The following MTA1 variants were observed in gnomAD, a reference collection of about 807,000 sequenced individuals.
MTA1 encodes metastasis-associated protein MTA1.
MTA1 carries 15 observed loss-of-function variants against 97.0 expected under a neutral mutation model. The ratio of observed to expected loss-of-function variants is 0.15; its 90% CI spans 0.10 to 0.24. MTA1 has a LOEUF of 0.24. Ranked by LOEUF, MTA1 falls within the 10% of genes least tolerant of loss-of-function variation. The pLI, the probability that MTA1 is intolerant of heterozygous loss-of-function variation, is 1.00. For synonymous variants in MTA1, 435 were observed against 417.5 expected, an observed-to-expected ratio of 1.04 and a Z score of -0.51; for missense variants, 709 against 1,015.1, an observed-to-expected ratio of 0.70 and a Z score of 4.10.
chr14:105,428,932 C>T (rs1156950416), intron 1 of MTA1, among the ~76,000 whole-genome samples: 6 of 151,996 alleles, frequency 3.9e-5, no homozygotes, highest in Non-Finnish European at 8.8e-5. Context: ...ACTATGTTGC[C>T]CACACTAGTC....
intron 2 of MTA1, among the ~76,000 whole-genome samples, chr14:105,442,191 C>T (rs1413099338): frequency 6.6e-6 from 1 of 152,198 alleles, no homozygotes; most frequent in Non-Finnish European, 1.5e-5. Context: ...AAGTGGGTCA[C>T]ACACGAAGCA....
chr14:105,465,282 G>T, intron 16 of MTA1, 99 bp downstream of exon 16: 1 of 1,094,588 alleles, frequency 9.1e-7, no homozygotes, highest in Non-Finnish European at 1.2e-6. Context: ...CTAGCTGGGA[G>T]CTCCTGGACA....
rs1285410974 is a variant in MTA1 at position 105,463,918 on chromosome 14, G to C, written c.1077-114G>C. 2.5e-5 allele frequency: 24 copies of C among 960,182 alleles called. No individual in the cohort carries two copies. In the South Asian group the frequency reaches 3.0e-4, roughly 12 times the overall value. The allele number at this position is 960,182 out of a possible 1,614,324, so 59.5% of individuals were successfully genotyped here. A position where few individuals can be genotyped will look rare whatever the true frequency, so the allele number is the denominator to read the frequency against. On this transcript the variant is annotated intron_variant, in intron 12 of 20. Transcript: ENST00000331320. The surrounding 1 kb of genome is among the most constrained non-coding windows in gnomAD (Gnocchi z 5.9). ...GGAAGATCCCTGCCGAGGCCGAGGG[G>C]TGCGAGGACGTGGTTCTGGACAAGG...
intron 1 of MTA1, among the ~76,000 whole-genome samples, chr14:105,429,612 C>T (rs1307360731): frequency 1.3e-4 from 20 of 151,280 alleles, no homozygotes; most frequent in Non-Finnish European, 2.2e-4. Flanking sequence ...CCACTATGCC[C>T]GGCTAATTTT....
At chr14:105,430,162 C>A (rs782180738) in intron 1 of MTA1, among the ~76,000 whole-genome samples, 5 of 152,170 alleles carry the variant, frequency 3.3e-5, no homozygotes, top group Admixed American at 2.6e-4. Context: ...TTTCGACAGG[C>A]CTTCCTAACT....
chr14:105,436,725 C>T lies in MTA1; in HGVS notation c.29-1947C>T, dbSNP rs587673019. ...CTTTCCTCACTTAAGGGACATTTTTCCCCCATTTTTTGGCAAGTTTGATGC... is the reference window on the plus strand; with the variant it reads ...CTTTCCTCACTTAAGGGACATTTTTTCCCCATTTTTTGGCAAGTTTGATGC... On this transcript the variant is annotated intron_variant, in intron 1 of 20. Coordinates refer to ENST00000331320, the MANE Select transcript of MTA1 (RefSeq NM_004689.4). Among the ~76,000 whole-genome samples the T allele has an allele frequency of 2.5e-4, 38 of 152,244 alleles. No homozygotes were observed. The South Asian group carries it at 7.3e-3, about 29-fold the overall frequency.
rs1238837548 is a variant in MTA1 at position 105,460,982 on chromosome 14, T to A, written c.942+29T>A. On this transcript the variant is annotated intron_variant, in intron 10 of 20. Coordinates refer to ENST00000331320, the MANE Select transcript of MTA1 (RefSeq NM_004689.4). Reference sequence around the variant, plus strand: ...AGTACCGTGGGTGGCGATGGGGGAGTGGCTGGCCATGCCCATCTCCAGGTA... The same window carrying A: ...AGTACCGTGGGTGGCGATGGGGGAGAGGCTGGCCATGCCCATCTCCAGGTA... The A allele has an allele frequency of 1.1e-5, 17 of 1,588,806 alleles. No homozygotes were observed. In the Admixed American group the frequency reaches 2.7e-4, roughly 25 times the overall value.
At chr14:105,460,737 C>T (rs587607295) in intron 9 of MTA1, 28 bp from the exon 10 acceptor site, 4 of 1,537,854 alleles carry the variant, frequency 2.6e-6, no homozygotes, top group South Asian at 1.2e-5. Context: ...CACCTTGGCC[C>T]GGGTGACCCT....
At chr14:105,445,697 G>C (rs963131960) in intron 3 of MTA1, 186 bp downstream of exon 3, 1 of 718,260 alleles carries the variant, frequency 1.4e-6, no homozygotes, top group Admixed American at 2.0e-5. Flanking sequence ...CCGTTTCCTC[G>C]GGGGCTGGGT....
chr14:105,450,797 T>C (rs2082897541), intron 6 of MTA1, among the ~76,000 whole-genome samples: 1 of 152,108 alleles, frequency 6.6e-6, no homozygotes, highest in Non-Finnish European at 1.5e-5. Flanking sequence ...CCGTATAGCA[T>C]CCCCCAAGGC....
At chr14:105,446,916 G>A (rs371573133) in intron 3 of MTA1, among the ~76,000 whole-genome samples, 1 of 152,172 alleles carries the variant, frequency 6.6e-6, no homozygotes, top group African/African-American at 2.4e-5. Context: ...GGAGGGGAGC[G>A]TTCAAGGTGG....
At position 105,419,982 on chromosome 14, in the gene MTA1, CCCGCGCCGAGCG is replaced by C. The variant is rs1445694623; in HGVS notation, c.-46_-35del. The C allele has an allele frequency of 5.2e-6, 5 of 968,160 alleles. No homozygotes were observed. In the African/African-American group the frequency reaches 8.9e-5, roughly 17 times the overall value. The allele number at this position is 968,160 out of a possible 1,614,324, so 60.0% of individuals were successfully genotyped here. On this transcript the variant is annotated 5_prime_UTR_variant, in exon 1 of 21. Transcript: ENST00000331320. ...CATCGCGCCTCCATTTTCCCGGCCGCCCGCGCCGAGCGCCGCGCCCGCCCCGGGCCCCTCCGC... is the reference window on the plus strand; with the variant it reads ...CATCGCGCCTCCATTTTCCCGGCCGCCCGCGCCCGCCCCGGGCCCCTCCGC...
chr14:105,451,779 T>C (rs2082944722), intron 6 of MTA1, among the ~76,000 whole-genome samples: 1 of 35,890 alleles, frequency 2.8e-5, no homozygotes, highest in Non-Finnish European at 9.3e-5. Flanking sequence ...CTTTTTCTTT[T>C]TTTGTTTTTT....
chr14:105,469,493 C>A lies in MTA1; in HGVS notation c.1840C>A (p.His614Asn). ...RGLANHGQAR[H>N]MGPSRNLLLN... The stretch of plus-strand genomic sequence containing the variant: ...TCTGGCAAACCACGGACAGGCCAGG[C>A]ACATGGTAAGAGGAACAACCCATGA... The change falls in exon 19 of 21, where the codon CAC (histidine) becomes AAC (asparagine). Residue 614 changes from histidine to asparagine, a missense_variant. Coordinates refer to ENST00000331320, the MANE Select transcript of MTA1 (RefSeq NM_004689.4). 1 of 1,612,750 alleles carries A rather than the reference C, an allele frequency of 6.2e-7. No homozygotes were observed. Among genetic ancestry groups the A allele is most frequent in the South Asian group, 1.1e-5 (1 of 91,080 alleles).
chr14:105,463,644 T>G lies in MTA1; in HGVS notation c.1076+93T>G. The G allele has an allele frequency of 7.6e-7, 1 of 1,320,162 alleles. No individual in the cohort carries two copies. Among genetic ancestry groups the G allele is most frequent in the Non-Finnish European group, 1.1e-6 (1 of 926,780 alleles). The allele number at this position is 1,320,162 out of a possible 1,614,324, so 81.8% of individuals were successfully genotyped here. A position where few individuals can be genotyped will look rare whatever the true frequency, so the allele number is the denominator to read the frequency against. On this transcript the variant is annotated intron_variant, in intron 12 of 20. Coordinates refer to ENST00000331320, the MANE Select transcript of MTA1 (RefSeq NM_004689.4). This position sits in a 1 kb window ranked among gnomAD's most constrained non-coding sequence, Gnocchi z 5.9. ...GGGGCCAGGCGGGTCCCAAGGAAACTCAAGCTCAGAGGCTGGGAAAGTTGG... is the reference window on the plus strand; with the variant it reads ...GGGGCCAGGCGGGTCCCAAGGAAACGCAAGCTCAGAGGCTGGGAAAGTTGG...
Position 105,463,885 on chromosome 14 carries a change from G to C in MTA1, c.1077-147G>C. 1.3e-6 allele frequency: 1 copy of C among 774,952 alleles called. No individual in the cohort carries two copies. Among genetic ancestry groups the C allele is most frequent in the Middle Eastern group, 2.5e-4 (1 of 4,018 alleles). The allele number at this position is 774,952 out of a possible 1,614,324, so 48.0% of individuals were successfully genotyped here. A position where few individuals can be genotyped will look rare whatever the true frequency, so the allele number is the denominator to read the frequency against. On this transcript the variant is annotated intron_variant, in intron 12 of 20. Coordinates refer to ENST00000331320, the MANE Select transcript of MTA1 (RefSeq NM_004689.4). The surrounding 1 kb of genome is among the most constrained non-coding windows in gnomAD (Gnocchi z 5.9). ...AGCAGTGGCTCCCAGGAACTGAAAG[G>C]GGAGAAAGGAAGATCCCTGCCGAGG...
chr14:105,439,971 C>T (rs1024749184), intron 2 of MTA1, among the ~76,000 whole-genome samples: 1 of 152,170 alleles, frequency 6.6e-6, no homozygotes, highest in African/African-American at 2.4e-5. Context: ...TGCTGGGCTC[C>T]GGGCTTCCCT....
At chr14:105,421,768 TC>T (rs2081844327) in intron 1 of MTA1, among the ~76,000 whole-genome samples, 1 of 152,182 alleles carries the variant, frequency 6.6e-6, no homozygotes, top group Admixed American at 6.5e-5. Context: ...CCCTGCCTTG[TC>T]CCATCCCGGA....
At position 105,424,073 on chromosome 14, in the gene MTA1, C is replaced by T. The variant is rs1555421640; in HGVS notation, c.28+4010C>T. Among the ~76,000 whole-genome samples, 1 of 152,250 alleles carries T rather than the reference C, an allele frequency of 6.6e-6. No individual in the cohort carries two copies. The highest frequency in any genetic ancestry group is 6.5e-5 in the Admixed American group (1 of 15,280). On this transcript the variant is annotated intron_variant, in intron 1 of 20. Coordinates refer to ENST00000331320, the MANE Select transcript of MTA1 (RefSeq NM_004689.4). The surrounding 1 kb of genome is among the most constrained non-coding windows in gnomAD (Gnocchi z 4.0). Reference sequence around the variant, plus strand: ...ATGTCCTGGAGGGGATGGCATGGGGCTGTCCCACTTGGCCTGTGAGGATCG... The same window carrying T: ...ATGTCCTGGAGGGGATGGCATGGGGTTGTCCCACTTGGCCTGTGAGGATCG...
Sources: gnomAD v4.1 joint callset for allele counts (sites outside exome capture counted in the v4.1 genomes callset) on GRCh38, gnomAD v4.1.1 for gene constraint, Gnocchi (gnomAD v3.1) non-coding constraint, MANE v1.5 for transcripts, NCBI Gene and HGNC (gene_info 2026-07-23, HGNC 2026-07-21) for gene names.